The following CNTLN variants were observed in gnomAD, a reference collection of about 807,000 sequenced individuals.
The protein encoded by CNTLN is centlein, centrosomal protein.
Under a neutral mutation model 180.0 loss-of-function variants are expected in CNTLN, and 212 were observed. The observed-to-expected ratio is 1.18, with a 90% CI of 1.05 to 1.32. The LOEUF (loss-of-function observed/expected upper bound fraction) is 1.32, where lower values mean the gene tolerates loss of function less well. Among genes scored for constraint, CNTLN ranks in the 40% most tolerant of loss-of-function variants. The pLI is 0.00. For synonymous variants in CNTLN, 722 were observed against 563.1 expected, an observed-to-expected ratio of 1.28 and a Z score of -3.99; for missense variants, 2,095 against 1,610.9, an observed-to-expected ratio of 1.30 and a Z score of -5.14.
At chr9:17,140,424 T>C (rs1412918293) in intron 1 of CNTLN, among the ~76,000 whole-genome samples, 1 of 151,816 alleles carries the variant, frequency 6.6e-6, no homozygotes, top group Non-Finnish European at 1.5e-5. Context: ...AAATGGTGGG[T>C]GTATGAGGTA....
intron 8 of CNTLN, among the ~76,000 whole-genome samples, chr9:17,323,482 A>G (rs748527254): frequency 6.6e-6 from 1 of 152,178 alleles, no homozygotes; most frequent in Non-Finnish European, 1.5e-5. Flanking sequence ...AAGCTCCTCC[A>G]TATGTTCTTG....
intron 18 of CNTLN, among the ~76,000 whole-genome samples, chr9:17,441,376 T>A (rs1262005781): frequency 6.6e-6 from 1 of 152,162 alleles, no homozygotes. Flanking sequence ...AAAAATATGA[T>A]AATGAATACA....
At chr9:17,197,649 G>A (rs546312836) in intron 2 of CNTLN, among the ~76,000 whole-genome samples, 52 of 152,284 alleles carry the variant, frequency 3.4e-4, no homozygotes, top group African/African-American at 1.1e-3. Flanking sequence ...ATTGTCAGAT[G>A]AGTAGTTTGC....
the CNTLN span, among the ~76,000 whole-genome samples, chr9:17,521,273 G>GAGAGAGAGAGAGAGAGAGAC: frequency 2.7e-5 from 4 of 148,954 alleles, no homozygotes; most frequent in Admixed American, 2.0e-4. Context: ...AAAAGAGAGA[G>GAGAGAGAGAGAGAGAGAGAC]AGAGAGAGAG....
chr9:17,428,578 G>A (rs576993144), intron 18 of CNTLN, among the ~76,000 whole-genome samples: 49 of 152,200 alleles, frequency 3.2e-4, no homozygotes, highest in Admixed American at 1.6e-3. Context: ...CACAGTGGAA[G>A]CTTTTGCAAA....
In CNTLN at chr9:17,135,054, G is replaced by A. The variant is rs1446693885; in HGVS notation, c.-12G>A. On this transcript the variant is annotated 5_prime_UTR_variant, in exon 1 of 26. Transcript: ENST00000380647. Reference sequence around the variant, plus strand: ...TTCCAACAGGGAACTTGACCCGTTAGCAGCCGCAGCCATGGCGGCGCGTTC... The same window carrying A: ...TTCCAACAGGGAACTTGACCCGTTAACAGCCGCAGCCATGGCGGCGCGTTC... The A allele has an allele frequency of 6.3e-7, 1 of 1,590,332 alleles. No homozygotes were observed.
intron 2 of CNTLN, among the ~76,000 whole-genome samples, chr9:17,145,084 A>G (rs984173808): frequency 6.8e-6 from 1 of 148,130 alleles, no homozygotes; most frequent in Non-Finnish European, 1.5e-5. Context: ...CTCATGATCC[A>G]CCCGCCTCGG....
intron 18 of CNTLN, chr9:17,448,533 A>G (rs1830585460): frequency 6.6e-6 from 1 of 152,208 alleles, no homozygotes; most frequent in Non-Finnish European, 1.5e-5. Flanking sequence ...CTGCGTGTAC[A>G]ATGTCCTCAG....
In CNTLN at chr9:17,437,754, A is replaced by G. The variant is rs140477753; in HGVS notation, c.3115-19770A>G. On this transcript the variant is annotated intron_variant, in intron 18 of 25. Coordinates refer to ENST00000380647, the MANE Select transcript of CNTLN (RefSeq NM_017738.4). ...AAATATGAACCTTGTCCCCGATAAT[A>G]ACACAGTTGAACATATGTATAATAA... is the stretch of plus-strand genomic sequence containing the variant. Among the ~76,000 whole-genome samples the G allele has an allele frequency of 1.3e-3, 192 of 152,304 alleles. 2 individuals are homozygous for G. Among genetic ancestry groups the G allele is most frequent in the Middle Eastern group, 0.01 (3 of 294 alleles).
intron 2 of CNTLN, among the ~76,000 whole-genome samples, chr9:17,199,659 C>T (rs1307472041): frequency 5.9e-5 from 9 of 152,210 alleles, no homozygotes; most frequent in South Asian, 4.1e-4. Context: ...AGTGTCTTGT[C>T]GTATCCTTTG....
At chr9:17,422,073 G>T (rs997242032) in intron 18 of CNTLN, among the ~76,000 whole-genome samples, 4 of 152,128 alleles carry the variant, frequency 2.6e-5, no homozygotes, top group African/African-American at 9.7e-5. Flanking sequence ...TTGTAGGACA[G>T]ATCTGGTGTT....
rs71331486 is a variant in CNTLN at position 17,338,337 on chromosome 9, GT to G, written c.1645-2472del. 1.3e-4 allele frequency among the ~76,000 whole-genome samples: 13 copies of G among 100,440 alleles called. 1 individual carries two copies. The highest frequency in any genetic ancestry group is 4.3e-4 in the Admixed American group (3 of 7,052). 65.9% of individuals were successfully genotyped at this position (100,440 alleles called of 152,430 possible). ...CTGCTATCACTCCTGGCTAATTTTTGTTTTTTTTTTTTTTTTTTAGAGATGG... is the reference window on the plus strand; with the variant it reads ...CTGCTATCACTCCTGGCTAATTTTTGTTTTTTTTTTTTTTTTTAGAGATGG... On this transcript the variant is annotated intron_variant, in intron 10 of 25. Transcript: ENST00000380647.
chr9:17,214,487 A>G (rs888806827), intron 2 of CNTLN, among the ~76,000 whole-genome samples: 1 of 151,626 alleles, frequency 6.6e-6, no homozygotes, highest in South Asian at 2.1e-4. Context: ...TGCCCTTAAT[A>G]TTTTTTCCGT....
chr9:17,332,618 A>G lies in CNTLN; in HGVS notation c.1532A>G (p.Lys511Arg), dbSNP rs1346743877. Reference protein sequence around the residue: ...AEGKHKEPPVKRSRSLSPKSS... With the variant: ...AEGKHKEPPVRRSRSLSPKSS... ...TTTATTCTCGAGGAACCACCTGTGA[A>G]ACGTTCAAGGTCTTTGTCCCCAAAG... is the stretch of plus-strand genomic sequence containing the variant. The change falls in exon 10 of 26, where the codon AAA becomes AGA. Residue 511 changes from lysine to arginine, a missense_variant. By Grantham distance (26) the Lys-to-Arg change is conservative (BLOSUM62 2). Transcript: ENST00000380647. The G allele has an allele frequency of 6.2e-7, 1 of 1,607,208 alleles. No individual in the cohort carries two copies. Among genetic ancestry groups the G allele is most frequent in the Non-Finnish European group, 8.5e-7 (1 of 1,177,100 alleles).
intron 2 of CNTLN, among the ~76,000 whole-genome samples, chr9:17,209,582 A>G (rs1373775164): frequency 6.6e-6 from 1 of 152,120 alleles, no homozygotes; most frequent in Non-Finnish European, 1.5e-5. Context: ...TATTTTCTCT[A>G]TATGTTTGGG....
At chr9:17,174,761 A>AT (rs1347936506) in intron 2 of CNTLN, among the ~76,000 whole-genome samples, 4 of 151,456 alleles carry the variant, frequency 2.6e-5, no homozygotes, top group Non-Finnish European at 5.9e-5. Context: ...ACCATTTTAC[A>AT]TTTTATCCAG....
intron 2 of CNTLN, among the ~76,000 whole-genome samples, chr9:17,164,814 ATTTTTCTTTT>A (rs1819950547): frequency 1.4e-5 from 2 of 145,226 alleles, no homozygotes; most frequent in South Asian, 2.2e-4. Flanking sequence ...TTCTTAGAAC[ATTTTTCTTTT>A]TTTTTCTTTC....
At chr9:17,143,976 A>G (rs889827851) in intron 2 of CNTLN, among the ~76,000 whole-genome samples, 1 of 152,220 alleles carries the variant, frequency 6.6e-6, no homozygotes, top group Non-Finnish European at 1.5e-5. Flanking sequence ...CAGTATTCCC[A>G]TGACACTTAG....
chr9:17,490,584 A>G lies in CNTLN; in HGVS notation c.4119+3518A>G, dbSNP rs2244176. Among the ~76,000 whole-genome samples the G allele has an allele frequency of 1.4e-3, 217 of 152,088 alleles. 1 individual carries two copies. The highest frequency in any genetic ancestry group is 3.1e-3 in the Admixed American group (48 of 15,252). ...TTTGTGGTTGCCAGAGGCTGGGGGG[A>G]TATAGAGAGTGACTGCTTACGGATA... On this transcript the variant is annotated intron_variant, in intron 25 of 25. Coordinates refer to ENST00000380647, the MANE Select transcript of CNTLN (RefSeq NM_017738.4).
Sources: allele counts gnomAD v4.1 joint callset (sites outside exome capture counted in the v4.1 genomes callset), GRCh38; gene constraint gnomAD v4.1.1; transcripts MANE v1.5; gene names NCBI Gene and HGNC (gene_info 2026-07-23, HGNC 2026-07-21).